The following HCFC2 variants were observed in gnomAD, a reference collection of about 807,000 sequenced individuals.
HCFC2 encodes host cell factor 2.
HCFC2 carries 18 observed loss-of-function variants against 89.2 expected under a neutral mutation model. The ratio of observed to expected loss-of-function variants is 0.20; its 90% confidence interval spans 0.14 to 0.30. The LOEUF (loss-of-function observed/expected upper bound fraction) is 0.30. Ranked by LOEUF, HCFC2 falls within the 10% of genes least tolerant of loss-of-function variation. The pLI is 1.00. For missense variants in HCFC2, 578 were observed against 956.1 expected (o/e 0.60, Z 5.21); for synonymous variants, 308 against 335.7 (o/e 0.92, Z 0.90).
intron 9 of HCFC2, among the ~76,000 whole-genome samples, chr12:104,092,673 C>G (rs1185198078): frequency 6.6e-6 from 1 of 151,904 alleles, no homozygotes; most frequent in Non-Finnish European, 1.5e-5. Context: ...ACTTGGGAGA[C>G]TGAGGCAGCA....
intron 3 of HCFC2, among the ~76,000 whole-genome samples, chr12:104,076,574 G>A (rs565757936): frequency 6.6e-6 from 1 of 152,346 alleles, no homozygotes; most frequent in African/African-American, 2.4e-5. Context: ...CTTATACTTA[G>A]ATTTGGGGTT....
intron 12 of HCFC2, 66 bp from the exon 13 acceptor site, chr12:104,098,277 T>A: frequency 7.4e-7 from 1 of 1,349,132 alleles, no homozygotes; most frequent in Non-Finnish European, 1.0e-6. Context: ...CATGGACTTA[T>A]TAAATCTTGA....
At chr12:104,096,530 G>C in intron 12 of HCFC2, 97 bp downstream of exon 12, 1 of 782,110 alleles carries the variant, frequency 1.3e-6, no homozygotes. Flanking sequence ...AGATTCTCAG[G>C]TCTCAGTAAT....
Position 104,075,826 on chromosome 12 carries a change from AT to A in HCFC2, c.474-3610del, listed in dbSNP as rs199930731. Among the ~76,000 whole-genome samples the A allele has an allele frequency of 3.4e-3, 505 of 147,772 alleles. 11 individuals are homozygous for A. The highest frequency in any genetic ancestry group is 0.026 in the East Asian group (132 of 5,024). On this transcript the variant is annotated intron_variant, in intron 3 of 14. Coordinates refer to ENST00000229330, the MANE Select transcript of HCFC2 (RefSeq NM_013320.3). Reference sequence around the variant, plus strand: ...TAATAATTTGAATGCTCATTAGTTCATTTTTTTTTCAGTGTTATTTTCCTGT... The same window carrying A: ...TAATAATTTGAATGCTCATTAGTTCATTTTTTTTCAGTGTTATTTTCCTGT...
intron 1 of HCFC2, among the ~76,000 whole-genome samples, 154 bp from the exon 2 acceptor site, chr12:104,066,013 A>T (rs1410303862): frequency 6.6e-6 from 1 of 151,962 alleles, no homozygotes; most frequent in Non-Finnish European, 1.5e-5. Context: ...TCCAGTTGTG[A>T]CAACTAAAAA....
intron 3 of HCFC2, among the ~76,000 whole-genome samples, chr12:104,071,689 G>A (rs1422069676): frequency 1.3e-5 from 2 of 152,204 alleles, no homozygotes; most frequent in African/African-American, 4.8e-5. Context: ...CCAGGCACAA[G>A]TGATCCTCCC....
intron 10 of HCFC2, among the ~76,000 whole-genome samples, chr12:104,094,627 C>T (rs373733249): frequency 3.3e-5 from 5 of 152,078 alleles, no homozygotes; most frequent in African/African-American, 1.2e-4. Flanking sequence ...CCCTAGAAAT[C>T]ATTGATGTTT....
intron 3 of HCFC2, among the ~76,000 whole-genome samples, chr12:104,072,944 G>A (rs1347641413): frequency 1.3e-5 from 2 of 151,450 alleles, no homozygotes; most frequent in East Asian, 1.9e-4. Flanking sequence ...GCACCCGGCC[G>A]ATTTGGTTTC....
chr12:104,078,954 A>C (rs552355878), intron 3 of HCFC2, among the ~76,000 whole-genome samples: 1 of 152,304 alleles, frequency 6.6e-6, no homozygotes, highest in African/African-American at 2.4e-5. Flanking sequence ...AACTTCTTAC[A>C]TGGTGGCTCA....
chr12:104,071,439 A>G (rs569448000), intron 3 of HCFC2, among the ~76,000 whole-genome samples: 85 of 152,374 alleles, frequency 5.6e-4, no homozygotes, highest in African/African-American at 1.9e-3. Flanking sequence ...TAAAGCACAC[A>G]TTCATTTCTG....
At chr12:104,086,712 T>C (rs1215208206) in intron 7 of HCFC2, 135 bp from the exon 8 acceptor site, 1 of 581,118 alleles carries the variant, frequency 1.7e-6, no homozygotes, top group South Asian at 4.0e-5. Context: ...TTTATCTGAG[T>C]AAACTTTCCC....
rs1171967463 is a variant in HCFC2, at chr12:104,064,840, G to A, written c.163+117G>A. The A allele has an allele frequency of 2.1e-6, 2 of 966,254 alleles. No homozygotes were observed. Among genetic ancestry groups the A allele is most frequent in the Admixed American group, 4.3e-5 (1 of 23,488 alleles). The allele number at this position is 966,254 out of a possible 1,614,324, so 59.9% of individuals were successfully genotyped here. ...CCGCCCGGTCACTGCTTCCTTGGGC[G>A]GGCGGCGGGGAGCGCGGCTCAGCCG... On this transcript the variant is annotated intron_variant, in intron 1 of 14. Coordinates refer to ENST00000229330, the MANE Select transcript of HCFC2 (RefSeq NM_013320.3). This position sits in a 1 kb window ranked among gnomAD's most constrained non-coding sequence, Gnocchi z 7.3.
intron 3 of HCFC2, among the ~76,000 whole-genome samples, chr12:104,074,378 T>C (rs1566226662): frequency 6.6e-6 from 1 of 152,214 alleles, no homozygotes; most frequent in African/African-American, 2.4e-5. Context: ...CAGGCTGGTC[T>C]TGAACTCTTG....
At chr12:104,098,588 T>G (rs1212225550) in intron 13 of HCFC2, 108 bp downstream of exon 13, 1 of 1,132,124 alleles carries the variant, frequency 8.8e-7, no homozygotes, top group African/African-American at 1.6e-5. Flanking sequence ...TGAGATTTCT[T>G]TTTTAGAACC....
intron 9 of HCFC2, among the ~76,000 whole-genome samples, chr12:104,088,661 C>T (rs147445946): frequency 3.3e-5 from 5 of 152,168 alleles, no homozygotes; most frequent in Admixed American, 6.5e-5. Context: ...TTGGCTCATA[C>T]GTTCTGAGTA....
chr12:104,082,605 G>C lies in HCFC2; in HGVS notation c.873G>C (p.Leu291=), dbSNP rs373578913. 7 of 1,604,288 alleles carry C rather than the reference G, an allele frequency of 4.4e-6. No individual in the cohort carries two copies. In the African/African-American group the frequency reaches 6.7e-5, roughly 15 times the overall value. ...RCTSSFSYLN[L]DTTEWTTLVS... ...CCAGTTCATTTTCTTACCTAAATCT[G>C]GGTGAGTCTTTTAAGAGTTACTCAT... The change falls in exon 6 of 15, where the codon CTG becomes CTC. Residue 291 remains leucine, a splice_region_variant and synonymous_variant. Coordinates refer to ENST00000229330, the MANE Select transcript of HCFC2 (RefSeq NM_013320.3).
intron 14 of HCFC2, 78 bp from the exon 15 acceptor site, chr12:104,102,880 TA>T: frequency 8.5e-7 from 1 of 1,181,378 alleles, no homozygotes; most frequent in Non-Finnish European, 1.2e-6. Context: ...TTTTGTATTC[TA>T]AAGATAGACT....
chr12:104,094,891 G>A (rs1884129981), intron 10 of HCFC2, among the ~76,000 whole-genome samples: 1 of 152,148 alleles, frequency 6.6e-6, no homozygotes, highest in Non-Finnish European at 1.5e-5. Context: ...TATAGGGGAA[G>A]GAATGGGACC....
intron 9 of HCFC2, among the ~76,000 whole-genome samples, chr12:104,091,714 A>G (rs920420522): frequency 6.6e-6 from 1 of 152,214 alleles, no homozygotes; most frequent in Non-Finnish European, 1.5e-5. Context: ...GAAATAAACC[A>G]AATTCGAATT....
Sources: allele counts gnomAD v4.1 joint callset (sites outside exome capture counted in the v4.1 genomes callset), GRCh38; gene constraint gnomAD v4.1.1; non-coding constraint Gnocchi (gnomAD v3.1); transcripts MANE v1.5; gene names NCBI Gene and HGNC (gene_info 2026-07-23, HGNC 2026-07-21).